MEI4: variants seen among roughly 807,000 people sequenced by gnomAD.
MEI4 encodes the protein meiotic double-stranded break formation protein 4, also known as meiosis-specific protein MEI4.
MEI4 carries 27 observed loss-of-function variants against 31.4 expected under a neutral mutation model. That is an observed-to-expected ratio of 0.86 (90% confidence interval 0.63 to 1.19). The LOEUF (loss-of-function observed/expected upper bound fraction) is 1.19, where lower values mean the gene tolerates loss of function less well. Among genes scored for constraint, MEI4 ranks in the 50% most tolerant of loss-of-function variants. MEI4 has a pLI of 0.00. For synonymous variants in MEI4, 122 were observed against 145.4 expected (o/e 0.84, Z 1.16); for missense variants, 329 against 398.9 (o/e 0.82, Z 1.49).
intron 4 of MEI4, among the ~76,000 whole-genome samples, chr6:77,843,184 A>G (rs1356464516): frequency 6.6e-6 from 1 of 151,866 alleles, no homozygotes; most frequent in African/African-American, 2.4e-5. Context: ...AAATTATGCT[A>G]TGCCTTAGTT....
At chr6:77,836,476 C>T (rs1770220988) in intron 4 of MEI4, among the ~76,000 whole-genome samples, 1 of 151,958 alleles carries the variant, frequency 6.6e-6, no homozygotes, top group Non-Finnish European at 1.5e-5. Flanking sequence ...AGTTCTGCAG[C>T]CTACATCAGG....
At chr6:77,829,398 G>C (rs1195188838) in intron 4 of MEI4, among the ~76,000 whole-genome samples, 1 of 152,120 alleles carries the variant, frequency 6.6e-6, no homozygotes, top group Non-Finnish European at 1.5e-5. Context: ...AACTGGAGAG[G>C]ATTCTAAATG....
Position 77,674,853 on chromosome 6 carries a change from A to G in MEI4, c.-14-15805A>G, listed in dbSNP as rs1768811676. Among the ~76,000 whole-genome samples the G allele has an allele frequency of 2.6e-5, 4 of 152,062 alleles. No homozygotes were observed. In the South Asian group the frequency reaches 6.2e-4, roughly 24 times the overall value. ...GTGCTTGGGATATACCACTCTATACATTTCTTTATACTTTGTCTACATATG... is the reference window on the plus strand; with the variant it reads ...GTGCTTGGGATATACCACTCTATACGTTTCTTTATACTTTGTCTACATATG... On this transcript the variant is annotated intron_variant, in intron 1 of 4. Coordinates refer to ENST00000684080, the MANE Select transcript of MEI4 (RefSeq NM_001322247.2).
chr6:77,734,091 A>C (rs1767102618), intron 2 of MEI4, among the ~76,000 whole-genome samples: 2 of 151,876 alleles, frequency 1.3e-5, no homozygotes, highest in African/African-American at 4.9e-5. Context: ...GTGCTGAAAA[A>C]AATGTATATT....
intron 2 of MEI4, among the ~76,000 whole-genome samples, chr6:77,759,480 A>G (rs1767997048): frequency 6.6e-6 from 1 of 152,184 alleles, no homozygotes; most frequent in African/African-American, 2.4e-5. Context: ...GATTTTCTCC[A>G]GCTGCCTCAG....
chr6:77,690,847 T>A lies in MEI4; in HGVS notation c.176T>A (p.Met59Lys), dbSNP rs1278172644. 4.1e-6 allele frequency: 5 copies of A among 1,231,352 alleles called. No individual in the cohort carries two copies. The African/African-American group carries it at 7.8e-5, about 19-fold the overall frequency. The allele number at this position is 1,231,352 out of a possible 1,614,324, so 76.3% of individuals were successfully genotyped here. A position where few individuals can be genotyped will look rare whatever the true frequency, so the allele number is the denominator to read the frequency against. The change falls in exon 2 of 5, where the codon ATG becomes AAG. Residue 59 changes from methionine (M) to lysine (K), a missense_variant. Physicochemically the swap from Met to Lys is moderately conservative, Grantham distance 95. Transcript: ENST00000684080. ...SKVEILEAEV[M>K]QLRQKLLVSR... is the part of the protein sequence containing the mutation. Reference sequence around the variant, plus strand: ...GTTGAAATCTTGGAAGCTGAAGTTATGCAATTACGTCAAAAACTTCTTGTG... The same window carrying A: ...GTTGAAATCTTGGAAGCTGAAGTTAAGCAATTACGTCAAAAACTTCTTGTG...
intron 2 of MEI4, among the ~76,000 whole-genome samples, chr6:77,700,309 C>A (rs190576657): frequency 6.6e-6 from 1 of 152,176 alleles, no homozygotes; most frequent in East Asian, 1.9e-4. Context: ...TGCCCCTCCC[C>A]CAGCCTCACT....
rs148856293 is a variant in MEI4 at position 77,667,957 on chromosome 6, TA to T, written c.-15+14878del. Among the ~76,000 whole-genome samples the T allele has an allele frequency of 5.8e-3, 812 of 139,230 alleles. 4 individuals carry two copies. Among genetic ancestry groups the T allele is most frequent in the Middle Eastern group, 0.011 (3 of 274 alleles). 91.3% of individuals were successfully genotyped at this position (139,230 alleles called of 152,430 possible). On this transcript the variant is annotated intron_variant, in intron 1 of 4. Transcript: ENST00000684080. Reference sequence around the variant, plus strand: ...CAGTTGCATGACTATAGATCTAGCTTAAAAAAAAAAAAAGGCTTATAATTTG... The same window carrying T: ...CAGTTGCATGACTATAGATCTAGCTTAAAAAAAAAAAAGGCTTATAATTTG...
chr6:77,653,540 T>G (rs1227346733), intron 1 of MEI4, among the ~76,000 whole-genome samples: 2 of 152,212 alleles, frequency 1.3e-5, no homozygotes, highest in Non-Finnish European at 2.9e-5. Context: ...TGCATTTATA[T>G]AGCACCTGAG....
chr6:77,873,288 C>T (rs539842407), intron 4 of MEI4, among the ~76,000 whole-genome samples: 77 of 152,092 alleles, frequency 5.1e-4, no homozygotes, highest in Non-Finnish European at 7.9e-4. Flanking sequence ...TTTTAATGAT[C>T]GCCATTCTAA....
At chr6:77,799,178 T>C (rs368480459) in intron 3 of MEI4, among the ~76,000 whole-genome samples, 5 of 152,124 alleles carry the variant, frequency 3.3e-5, no homozygotes, top group East Asian at 1.9e-4. Flanking sequence ...TTTTAATGAT[T>C]GCCATTCTAA....
At chr6:77,773,002 C>T (rs1036093999) in intron 3 of MEI4, among the ~76,000 whole-genome samples, 2 of 151,722 alleles carry the variant, frequency 1.3e-5, no homozygotes, top group African/African-American at 4.8e-5. Context: ...AAGATGTCTT[C>T]AATGAAAACT....
intron 4 of MEI4, among the ~76,000 whole-genome samples, chr6:77,921,609 G>A (rs1414615532): frequency 6.6e-6 from 1 of 151,812 alleles, no homozygotes; most frequent in Non-Finnish European, 1.5e-5. Context: ...ATTTTGACAT[G>A]CCTTCTTCAC....
At chr6:77,728,363 A>G (rs12201182) in intron 2 of MEI4, among the ~76,000 whole-genome samples, 143,321 of 152,256 alleles carry the variant, frequency 0.94, 67,559 homozygotes, top group East Asian at 1. Flanking sequence ...GTAGTCATGT[A>G]TAAAGATACT....
In MEI4 at chr6:77,866,434, T is replaced by G. The variant is rs537233301; in HGVS notation, c.900+37372T>G. ...AGTCACAAGCATTCTTATACACCAA[T>G]AACAGACAAACAGCCGAATCATGAG... On this transcript the variant is annotated intron_variant, in intron 4 of 4. Transcript: ENST00000684080. 3.0e-4 allele frequency among the ~76,000 whole-genome samples: 45 copies of G among 152,122 alleles called. No individual in the cohort carries two copies. In the South Asian group the frequency reaches 8.7e-3, roughly 29 times the overall value.
chr6:77,845,376 G>T (rs576489350), intron 4 of MEI4, among the ~76,000 whole-genome samples: 1 of 152,138 alleles, frequency 6.6e-6, no homozygotes, highest in South Asian at 2.1e-4. Flanking sequence ...GTGTCTGTGA[G>T]GGGGAGTGTG....
intron 2 of MEI4, among the ~76,000 whole-genome samples, chr6:77,713,503 G>GT (rs1355254751): frequency 6.6e-6 from 1 of 152,102 alleles, no homozygotes; most frequent in Non-Finnish European, 1.5e-5. Flanking sequence ...TGTTGTGTGA[G>GT]TTTTTTTCTT....
intron 2 of MEI4, among the ~76,000 whole-genome samples, chr6:77,730,040 G>T (rs141708941): frequency 6.6e-6 from 1 of 152,054 alleles, no homozygotes; most frequent in East Asian, 1.9e-4. Flanking sequence ...AGTGTCTTCA[G>T]TGTCTTGGTG....
In MEI4 at chr6:77,720,661, C is replaced by CGAA. The variant is rs1468359724; in HGVS notation, c.232+29758_232+29759insGAA. 6.8e-4 allele frequency among the ~76,000 whole-genome samples: 76 copies of CGAA among 111,174 alleles called. 6 individuals are homozygous for CGAA. Among genetic ancestry groups the CGAA allele is most frequent in the Non-Finnish European group, 1.2e-3 (65 of 53,372 alleles). The allele number at this position is 111,174 out of a possible 152,430, so 72.9% of individuals were successfully genotyped here. A position where few individuals can be genotyped will look rare whatever the true frequency, so the allele number is the denominator to read the frequency against. ...TTGTACAATATCTTTTGCCTGTTTC[C>CGAA]ATGTGACATCAAATTTGTTTTTTAA... On this transcript the variant is annotated intron_variant, in intron 2 of 4. Coordinates refer to ENST00000684080, the MANE Select transcript of MEI4 (RefSeq NM_001322247.2).
Sources: allele counts gnomAD v4.1 joint callset (sites outside exome capture counted in the v4.1 genomes callset), GRCh38; gene constraint gnomAD v4.1.1; transcripts MANE v1.5; gene names NCBI Gene and HGNC (gene_info 2026-07-23, HGNC 2026-07-21).